Variants in RABGAP1 observed in about 807,000 individuals in gnomAD.
RABGAP1 encodes rab GTPase-activating protein 1.
RABGAP1 carries 23 observed loss-of-function variants against 137.6 expected under a neutral mutation model. The ratio of observed to expected loss-of-function variants is 0.17; its 90% CI spans 0.12 to 0.24. The LOEUF is 0.24. Ranked by LOEUF, RABGAP1 falls within the 10% of genes least tolerant of loss-of-function variation. RABGAP1 has a pLI of 1.00. For missense variants in RABGAP1, 906 were observed against 1,275.8 expected (o/e 0.71, Z 4.42); for synonymous variants, 451 against 450.7 (o/e 1.00, Z -0.01).
chr9:122,984,172 A>C (rs1184247065), intron 2 of RABGAP1, among the ~76,000 whole-genome samples: 2 of 152,256 alleles, frequency 1.3e-5, no homozygotes, highest in African/African-American at 4.8e-5. Context: ...AGACAAAATT[A>C]TAGATCCTTT....
At position 122,986,392 on chromosome 9, in the gene RABGAP1, T is replaced by C; in HGVS notation, c.563T>C (p.Val188Ala). The change falls in exon 4 of 26, where the codon GTG becomes GCG. Residue 188 changes from valine to alanine, a missense_variant. This residue lies in a region of RABGAP1 where 331 missense variants were observed against 358.3 expected (regional missense o/e 0.92). Coordinates refer to ENST00000373647, the MANE Select transcript of RABGAP1 (RefSeq NM_012197.4). ...ATTTCACTAGATGTTACCCTTTCAG[T>C]GCCGAATGTGTCTGAAGGAATTGTG... ...CQISLDVTLS[V>A]PNVSEGIVRL... is the part of the protein sequence containing the mutation. 1 of 1,614,190 alleles carries C rather than the reference T, an allele frequency of 6.2e-7. No homozygotes were observed. The highest frequency in any genetic ancestry group is 8.5e-7 in the Non-Finnish European group (1 of 1,180,010).
intron 13 of RABGAP1, among the ~76,000 whole-genome samples, chr9:123,064,688 G>C (rs923282273): frequency 6.6e-6 from 1 of 152,168 alleles, no homozygotes; most frequent in Non-Finnish European, 1.5e-5. Flanking sequence ...TGGGTGCTTG[G>C]TGTATTTTAC....
upstream of RABGAP1, among the ~76,000 whole-genome samples, chr9:122,936,798 G>A (rs1833394095): frequency 6.6e-6 from 1 of 152,134 alleles, no homozygotes; most frequent in Non-Finnish European, 1.5e-5. Flanking sequence ...AGATATTGAA[G>A]GATTAGGATA....
chr9:122,955,167 T>C (rs1040673617), intron 1 of RABGAP1, among the ~76,000 whole-genome samples: 1 of 152,158 alleles, frequency 6.6e-6, no homozygotes, highest in Non-Finnish European at 1.5e-5. Context: ...AGGGCAAATA[T>C]CTAAAGGAAT....
intron 13 of RABGAP1, among the ~76,000 whole-genome samples, chr9:123,052,052 A>G (rs1373241249): frequency 1.3e-5 from 2 of 148,560 alleles, no homozygotes; most frequent in African/African-American, 2.5e-5. Context: ...TGATCTGCCC[A>G]TGTCGACCTC....
chr9:123,102,839 GGT>G lies in RABGAP1; in HGVS notation c.3088-250_3088-249del, dbSNP rs374942482. Reference sequence around the variant, plus strand: ...TTACCTGTCTGCCTGGTGTGCATTAGGTGGACAGAAGAGGGAGACATAGCAAG... The same window carrying G: ...TTACCTGTCTGCCTGGTGTGCATTAGGGACAGAAGAGGGAGACATAGCAAG... On this transcript the variant is annotated intron_variant, in intron 25 of 25. Transcript: ENST00000373647. 3.1e-3 allele frequency among the ~76,000 whole-genome samples: 479 copies of G among 152,332 alleles called. 1 individual carries two copies. Among genetic ancestry groups the G allele is most frequent in the African/African-American group, 0.011 (461 of 41,572 alleles).
chr9:123,057,108 A>G (rs1266321678), intron 13 of RABGAP1, among the ~76,000 whole-genome samples: 2 of 128,600 alleles, frequency 1.6e-5, no homozygotes, highest in African/African-American at 3.0e-5. Context: ...CGGGGGGCTG[A>G]CCCCCCCACC....
intron 14 of RABGAP1, among the ~76,000 whole-genome samples, chr9:123,069,566 T>G (rs2034285715): frequency 9.4e-6 from 1 of 106,558 alleles, no homozygotes. Flanking sequence ...AGTGAGACCC[T>G]GTCTCTATTA....
chr9:122,934,845 T>C, the RABGAP1 span, among the ~76,000 whole-genome samples: 3 of 152,138 alleles, frequency 2.0e-5, no homozygotes, highest in Non-Finnish European at 4.4e-5. Flanking sequence ...CATCAAGCAA[T>C]CCGCCTGCGT....
At chr9:122,953,331 A>G (rs1336027096) in intron 1 of RABGAP1, among the ~76,000 whole-genome samples, 2 of 152,062 alleles carry the variant, frequency 1.3e-5, no homozygotes, top group East Asian at 3.9e-4. Flanking sequence ...TATGAGATCG[A>G]TAGTATAACA....
intron 13 of RABGAP1, among the ~76,000 whole-genome samples, chr9:123,063,913 A>C (rs1458411444): frequency 6.6e-6 from 1 of 152,150 alleles, no homozygotes; most frequent in Non-Finnish European, 1.5e-5. Context: ...TTTATAATTC[A>C]TATCTCATAG....
intron 2 of RABGAP1, among the ~76,000 whole-genome samples, chr9:122,969,371 C>T (rs1330739068): frequency 1.3e-5 from 2 of 152,162 alleles, no homozygotes; most frequent in African/African-American, 4.8e-5. Context: ...TTAAGTGATG[C>T]ATGATTGTGT....
intron 17 of RABGAP1, among the ~76,000 whole-genome samples, chr9:123,075,569 T>C (rs2034484865): frequency 6.6e-6 from 1 of 152,238 alleles, no homozygotes; most frequent in Non-Finnish European, 1.5e-5. Context: ...CTATACTTTA[T>C]GTAACCAATT....
At chr9:123,045,403 A>C (rs1303254090) in intron 13 of RABGAP1, among the ~76,000 whole-genome samples, 1 of 152,188 alleles carries the variant, frequency 6.6e-6, no homozygotes, top group African/African-American at 2.4e-5. Context: ...CATTTATAAA[A>C]GTTCCCCTTC....
intron 1 of RABGAP1, among the ~76,000 whole-genome samples, chr9:122,942,398 C>T (rs947824396): frequency 6.6e-6 from 1 of 151,932 alleles, no homozygotes; most frequent in Non-Finnish European, 1.5e-5. Context: ...AAATAGGGGC[C>T]GGGTGCGTTC....
intron 19 of RABGAP1, among the ~76,000 whole-genome samples, chr9:123,078,647 T>C (rs2034598978): frequency 6.6e-6 from 1 of 152,220 alleles, no homozygotes; most frequent in Non-Finnish European, 1.5e-5. Flanking sequence ...GGATGCTGCC[T>C]CTTTTTTGTT....
chr9:123,098,711 G>A lies in RABGAP1; in HGVS notation c.2734-4G>A. Reference sequence around the variant, plus strand: ...TAGTCCCTTTTGTTTTTTTATGTGTGCAGTTAAAAGAAATGTGCCGTCGGG... The same window carrying A: ...TAGTCCCTTTTGTTTTTTTATGTGTACAGTTAAAAGAAATGTGCCGTCGGG... On this transcript the variant is annotated splice_region_variant and splice_polypyrimidine_tract_variant and intron_variant, in intron 22 of 25. Transcript: ENST00000373647. The A allele has an allele frequency of 6.2e-7, 1 of 1,609,764 alleles. No individual in the cohort carries two copies. The highest frequency in any genetic ancestry group is 8.5e-7 in the Non-Finnish European group (1 of 1,178,198).
At chr9:123,066,929 C>G (rs2034193556) in intron 14 of RABGAP1, among the ~76,000 whole-genome samples, 1 of 152,144 alleles carries the variant, frequency 6.6e-6, no homozygotes, top group Non-Finnish European at 1.5e-5. Context: ...AATTATTTAT[C>G]AATGTATTGT....
chr9:122,989,320 C>G lies in RABGAP1; in HGVS notation c.614C>G (p.Thr205Ser). The G allele has an allele frequency of 6.2e-7, 1 of 1,613,634 alleles. No individual in the cohort carries two copies. Among genetic ancestry groups the G allele is most frequent in the Non-Finnish European group, 8.5e-7 (1 of 1,179,672 alleles). The stretch of plus-strand genomic sequence containing the variant: ...AGACTCTTAGATCCTCAGACAAACA[C>G]TGAAATAGCAAACTACCCTATCTAC... Reference protein sequence around the residue: ...IVRLLDPQTNTEIANYPIYKI... With the variant: ...IVRLLDPQTNSEIANYPIYKI... The change falls in exon 5 of 26, where the codon ACT becomes AGT. Residue 205 changes from threonine to serine, a missense_variant. Physicochemically the swap from Thr to Ser is moderately conservative, Grantham distance 58 (BLOSUM62 1). Around this residue, in one of 9 missense-constraint regions of RABGAP1, gnomAD observed 331 missense variants for 358.3 expected, o/e 0.92. Transcript: ENST00000373647.
Sources: allele counts gnomAD v4.1 joint callset (sites outside exome capture counted in the v4.1 genomes callset), GRCh38; gene constraint gnomAD v4.1.1; regional missense constraint gnomAD v4.1.1; transcripts MANE v1.5; gene names NCBI Gene and HGNC (gene_info 2026-07-23, HGNC 2026-07-21).